Variants in LRCH2 observed in about 807,000 individuals in gnomAD.
The protein encoded by LRCH2 is leucine-rich repeat and calponin homology domain-containing protein 2.
In LRCH2, 38 loss-of-function variants were observed where a neutral mutation model predicts 68.9. The observed-to-expected ratio is 0.55, with a 90% CI of 0.43 to 0.72. The LOEUF (loss-of-function observed/expected upper bound fraction) is 0.72, where lower values mean the gene tolerates loss of function less well. LRCH2 is among the 30% of genes least tolerant of loss of function. The pLI is 0.00. For synonymous variants in LRCH2, 191 were observed against 208.1 expected (o/e 0.92, Z 0.71); for missense variants, 528 against 572.9 (o/e 0.92, Z 0.80).
chrX:115,145,125 A>AC (rs782231691), intron 14 of LRCH2, among the ~76,000 whole-genome samples: 1 of 111,662 alleles, frequency 9.0e-6, no homozygotes, highest in African/African-American at 3.3e-5. Context: ...AGAACAGAGA[A>AC]CCCAGAAACA....
chrX:115,190,926 C>T lies in LRCH2; in HGVS notation c.350-2556G>A, dbSNP rs782073197. On this transcript the variant is annotated intron_variant, in intron 1 of 20. Coordinates refer to ENST00000317135, the MANE Select transcript of LRCH2 (RefSeq NM_020871.4). ...CGCCCGAGGCCTACAGTGGGGGCCA[C>T]GACAATTCCAGCTGGAGCGACCGCT... 175 of 1,159,790 alleles carry T rather than the reference C, an allele frequency of 1.5e-4. No individual in the cohort carries two copies. In the Middle Eastern group the frequency reaches 2.8e-3, roughly 19 times the overall value.
At chrX:115,135,122 C>CTTTT (rs35620352) in intron 14 of LRCH2, among the ~76,000 whole-genome samples, 2 of 88,239 alleles carry the variant, frequency 2.3e-5, no homozygotes, top group Admixed American at 1.2e-4. Context: ...TCTTTTCTTT[C>CTTTT]TTTTTTTTTT....
Position 115,166,235 on chromosome X carries a change from C to T in LRCH2, c.1086+20G>A. 1 of 1,087,713 alleles carries T rather than the reference C, an allele frequency of 9.2e-7. No individual in the cohort carries two copies. The highest frequency in any genetic ancestry group is 1.3e-6 in the Non-Finnish European group (1 of 791,341). The allele number at this position is 1,087,713 out of a possible 1,213,427, so 89.6% of individuals were successfully genotyped here. A position where few individuals can be genotyped will look rare whatever the true frequency, so the allele number is the denominator to read the frequency against. On this transcript the variant is annotated intron_variant, in intron 7 of 20. Transcript: ENST00000317135. ...AATAAAATTGTAAAACAGAATGGAT[C>T]AGCAATAGAAAATACTCACTTCTGT...
intron 20 of LRCH2, among the ~76,000 whole-genome samples, chrX:115,121,143 C>T (rs2147344015): frequency 9.3e-6 from 1 of 107,931 alleles, no homozygotes; most frequent in East Asian, 2.9e-4. Flanking sequence ...GCACATTGTG[C>T]ACATGTGCCC....
In LRCH2 at chrX:115,192,718, C is replaced by T. The variant is rs1017183598; in HGVS notation, c.350-4348G>A. On this transcript the variant is annotated intron_variant, in intron 1 of 20. Coordinates refer to ENST00000317135, the MANE Select transcript of LRCH2 (RefSeq NM_020871.4). ...GAAGAACCTGTTCTATGTTAACTAC[C>T]CAAGGACTAGTATAAGTAGGAGTTG... 9.0e-6 allele frequency: 9 copies of T among 996,415 alleles called. No homozygotes were observed. In the Admixed American group the frequency reaches 1.1e-4, roughly 12 times the overall value. The allele number at this position is 996,415 out of a possible 1,213,427, so 82.1% of individuals were successfully genotyped here.
intron 15 of LRCH2, 23 bp downstream of exon 15, chrX:115,130,132 T>C (rs1569512098): frequency 8.7e-6 from 8 of 920,846 alleles, no homozygotes; most frequent in Non-Finnish European, 1.2e-5. Context: ...TTTCAAATAA[T>C]TATTAATATT....
chrX:115,182,840 A>G (rs1414618896), intron 3 of LRCH2, among the ~76,000 whole-genome samples: 1 of 108,162 alleles, frequency 9.2e-6, no homozygotes, highest in African/African-American at 3.4e-5. Context: ...TCAAAAAAAA[A>G]AAAAAAAAAA....
chrX:115,190,418 G>A lies in LRCH2; in HGVS notation c.350-2048C>T, dbSNP rs955756500. On this transcript the variant is annotated intron_variant, in intron 1 of 20. Coordinates refer to ENST00000317135, the MANE Select transcript of LRCH2 (RefSeq NM_020871.4). ...GGGACACCGCCATCTTATGGAGGAG[G>A]ATGCCGCTACGAGGAGTACCAGGGC... The A allele has an allele frequency of 1.8e-5, 21 of 1,163,456 alleles. No homozygotes were observed. Among genetic ancestry groups the A allele is most frequent in the Admixed American group, 2.6e-5 (1 of 38,514 alleles).
chrX:115,166,087 G>C, intron 7 of LRCH2, 135 bp from the exon 8 acceptor site: 1 of 617,650 alleles, frequency 1.6e-6, no homozygotes, highest in Admixed American at 3.7e-5. Flanking sequence ...TTAACATAAG[G>C]TTTACTGCTC....
At chrX:115,194,384 T>C (rs974654043) in intron 1 of LRCH2, among the ~76,000 whole-genome samples, 6 of 112,027 alleles carry the variant, frequency 5.4e-5, no homozygotes, top group African/African-American at 1.9e-4. Flanking sequence ...CACAGTTCTA[T>C]TGGGGAAGAA....
At chrX:115,232,572 G>A (rs1209738379) in intron 1 of LRCH2, among the ~76,000 whole-genome samples, 1 of 111,221 alleles carries the variant, frequency 9.0e-6, no homozygotes, top group Non-Finnish European at 1.9e-5. Flanking sequence ...CAAATACCTT[G>A]ATTTAAGATC....
intron 6 of LRCH2, among the ~76,000 whole-genome samples, chrX:115,168,746 T>C (rs1351598516): frequency 1.8e-5 from 2 of 111,312 alleles, no homozygotes; most frequent in Non-Finnish European, 3.8e-5. Context: ...CTGGTCCCTG[T>C]GCTTCTATTT....
intron 20 of LRCH2, among the ~76,000 whole-genome samples, chrX:115,117,150 A>G (rs2072089709): frequency 8.9e-6 from 1 of 112,051 alleles, no homozygotes; most frequent in Admixed American, 9.5e-5. Flanking sequence ...AAAGTACTTC[A>G]AAAAGAAGAT....
At position 115,187,448 on chromosome X, in the gene LRCH2, T is replaced by C. The variant is rs1265179006; in HGVS notation, c.494+778A>G. On this transcript the variant is annotated intron_variant, in intron 2 of 20. Transcript: ENST00000317135. ...TATACTTACTGAGTGTTCATTCTTT[T>C]ACATATATAGGGTAAAAGCTATGTA... Among the ~76,000 whole-genome samples, 4 of 112,307 alleles carry C rather than the reference T, an allele frequency of 3.6e-5. No homozygotes were observed. The Admixed American group carries it at 3.8e-4, about 11-fold the overall frequency.
At chrX:115,189,939 G>A (rs1424816437) in intron 1 of LRCH2, 18 of 1,157,200 alleles carry the variant, frequency 1.6e-5, no homozygotes, top group East Asian at 3.3e-5. Flanking sequence ...AGAGGGCCAC[G>A]CCGTCGAGCC....
At chrX:115,194,556 C>A (rs1039699295) in intron 1 of LRCH2, among the ~76,000 whole-genome samples, 3 of 111,892 alleles carry the variant, frequency 2.7e-5, no homozygotes, top group African/African-American at 6.5e-5. Flanking sequence ...TGTATAATAC[C>A]TAGTATTAAG....
chrX:115,184,485 C>T lies in LRCH2; in HGVS notation c.547G>A (p.Val183Ile). The T allele has an allele frequency of 8.4e-7, 1 of 1,188,206 alleles. No homozygotes were observed. Residue 183 changes from valine (V) to isoleucine (I), a missense_variant, in exon 3 of 21, where the codon GTT (valine) becomes ATT (isoleucine). Val to Ile is a conservative substitution (Grantham distance 29). Transcript: ENST00000317135. ...AGTTTATTATTACTGACGACCAAAA[C>T]TTTAAGGGGAAGATCAAATAGGTAT... ...PKYLFDLPLK[V>I]LVVSNNKLVS...
At chrX:115,192,279 A>C (rs960325446) in intron 1 of LRCH2, 18 of 1,164,106 alleles carry the variant, frequency 1.5e-5, no homozygotes, top group Non-Finnish European at 1.9e-5. Flanking sequence ...ACGGAGGAGG[A>C]GGCCGCTACG....
intron 15 of LRCH2, among the ~76,000 whole-genome samples, chrX:115,129,845 C>T (rs189324614): frequency 7.7e-4 from 85 of 110,870 alleles, no homozygotes; most frequent in African/African-American, 2.5e-3. Flanking sequence ...TCTCAATTGA[C>T]GACCAGGCTG....
Sources: allele counts gnomAD v4.1 joint callset (sites outside exome capture counted in the v4.1 genomes callset), GRCh38; gene constraint gnomAD v4.1.1; transcripts MANE v1.5; gene names NCBI Gene and HGNC (gene_info 2026-07-23, HGNC 2026-07-21).